The following TMEM196 variants were observed in gnomAD, a reference collection of about 807,000 sequenced individuals.
The protein encoded by TMEM196 is transmembrane protein 196.
In TMEM196, 17 loss-of-function variants were observed where a neutral mutation model predicts 20.0. That is an observed-to-expected ratio of 0.85 (90% CI 0.58 to 1.27). The LOEUF (loss-of-function observed/expected upper bound fraction) is 1.27. Among genes scored for constraint, TMEM196 ranks in the 50% most tolerant of loss-of-function variants. The probability of loss-of-function intolerance (pLI) is 0.00; values close to 1 mark genes in which losing one functional copy is unlikely to be tolerated. For synonymous variants in TMEM196, 113 were observed against 88.9 expected (o/e 1.27, Z -1.52); for missense variants, 267 against 223.0 (o/e 1.20, Z -1.26).
intron 2 of TMEM196, among the ~76,000 whole-genome samples, 180 bp downstream of exon 2, chr7:19,729,202 C>A (rs1284695645): frequency 6.7e-6 from 1 of 148,794 alleles, no homozygotes; most frequent in Non-Finnish European, 1.5e-5. Flanking sequence ...GTCATAGTTT[C>A]TAATAATTTT....
At chr7:19,760,425 A>T (rs1394442860) in intron 1 of TMEM196, among the ~76,000 whole-genome samples, 1 of 123,986 alleles carries the variant, frequency 8.1e-6, no homozygotes, top group African/African-American at 3.2e-5. Context: ...CAGTGACATG[A>T]TCTTGGCTCA....
Position 19,753,355 on chromosome 7 carries a change from A to G in TMEM196, c.147+19195T>C, listed in dbSNP as rs542516381. On this transcript the variant is annotated intron_variant, in intron 1 of 4. Coordinates refer to ENST00000405844, the MANE Select transcript of TMEM196 (RefSeq NM_001363562.2). Reference sequence around the variant, plus strand: ...AGAATAAATCAAAGAGGTACAATTTATCTAAACTCATTTTCTTACCCCTTC... The same window carrying G: ...AGAATAAATCAAAGAGGTACAATTTGTCTAAACTCATTTTCTTACCCCTTC... Among the ~76,000 whole-genome samples, 10 of 152,258 alleles carry G rather than the reference A, an allele frequency of 6.6e-5. No homozygotes were observed. In the South Asian group the frequency reaches 1.5e-3, roughly 22 times the overall value.
In TMEM196 at chr7:19,720,026, C is replaced by G. The variant is rs1350910845; in HGVS notation, c.*2102G>C. On this transcript the variant is annotated 3_prime_UTR_variant, in exon 5 of 5. Transcript: ENST00000405844. ...CTGAAAATTAGAGTCAGTGTTTATT[C>G]TTTCAGTACAAAACTACATCCTTGC... The G allele has an allele frequency of 6.6e-6, 1 of 152,022 alleles. No homozygotes were observed. Among genetic ancestry groups the G allele is most frequent in the African/African-American group, 2.4e-5 (1 of 41,430 alleles). The allele number at this position is 152,022 out of a possible 1,614,324, so 9.4% of individuals were successfully genotyped here.
At chr7:19,741,965 C>T (rs751044533) in intron 1 of TMEM196, among the ~76,000 whole-genome samples, 2 of 152,118 alleles carry the variant, frequency 1.3e-5, no homozygotes, top group Non-Finnish European at 2.9e-5. Flanking sequence ...GATGCTATTA[C>T]CTGCTATTGA....
In TMEM196 at chr7:19,725,606, A is replaced by T; in HGVS notation, c.367T>A (p.Trp123Arg). ...IGIGGCTLSS[W>R]LTCRLASYEQ... is the part of the protein sequence containing the mutation. ...TAACTGGCTAGTCGACAAGTGAGCC[A>T]GGAAGAGAGAGTGCAGCCCCCGATC... Residue 123 changes from tryptophan (W) to arginine (R), a missense_variant, in exon 3 of 5, where the codon TGG (tryptophan) becomes AGG (arginine). Physicochemically the swap from Trp to Arg is moderately radical, Grantham distance 101 (BLOSUM62 -3). Coordinates refer to ENST00000405844, the MANE Select transcript of TMEM196 (RefSeq NM_001363562.2). 6.2e-7 allele frequency: 1 copy of T among 1,614,130 alleles called. No individual in the cohort carries two copies. The highest frequency in any genetic ancestry group is 8.5e-7 in the Non-Finnish European group (1 of 1,180,008).
chr7:19,728,051 T>TA (rs1481109543), intron 2 of TMEM196, among the ~76,000 whole-genome samples: 2 of 152,090 alleles, frequency 1.3e-5, no homozygotes, highest in East Asian at 1.9e-4. Flanking sequence ...GGTAGTTTCT[T>TA]AAAAAAATCA....
intron 2 of TMEM196, among the ~76,000 whole-genome samples, chr7:19,727,290 G>T (rs1057183721): frequency 2.0e-4 from 31 of 152,124 alleles, no homozygotes; most frequent in African/African-American, 7.2e-4. Context: ...TACATGTGTT[G>T]CCCTAGGAGT....
At position 19,725,702 on chromosome 7, in the gene TMEM196, G is replaced by C. The variant is rs769909113; in HGVS notation, c.271C>G (p.Arg91Gly). 8 of 1,613,288 alleles carry C rather than the reference G, an allele frequency of 5.0e-6. No individual in the cohort carries two copies. Among genetic ancestry groups the C allele is most frequent in the Non-Finnish European group, 6.8e-6 (8 of 1,179,424 alleles). ...IGGILNFQFL[R>G]AVTKKTSSLY... ...GAGGAAGTTTTCTTTGTGACTGCCC[G>C]GAGGAACTGAAAATTCAGGATGCCC... Residue 91 changes from arginine to glycine, a missense_variant, in exon 3 of 5, where the codon CGG becomes GGG. By Grantham distance (125) the Arg-to-Gly change is moderately radical (BLOSUM62 -2). Transcript: ENST00000405844.
At chr7:19,744,325 G>A (rs1374957904) in intron 1 of TMEM196, among the ~76,000 whole-genome samples, 1 of 152,058 alleles carries the variant, frequency 6.6e-6, no homozygotes, top group Admixed American at 6.6e-5. Flanking sequence ...ACACTTGTAT[G>A]TCTTTGTAGT....
intron 1 of TMEM196, among the ~76,000 whole-genome samples, chr7:19,747,083 G>A (rs1009722483): frequency 2.0e-5 from 3 of 151,334 alleles, no homozygotes; most frequent in Non-Finnish European, 4.4e-5. Context: ...GTGAAACCCC[G>A]TCTCTACTAA....
intron 1 of TMEM196, among the ~76,000 whole-genome samples, chr7:19,755,327 A>C (rs1045358809): frequency 6.6e-6 from 1 of 152,130 alleles, no homozygotes; most frequent in Non-Finnish European, 1.5e-5. Context: ...TATATATTAA[A>C]CCTTTATCAC....
chr7:19,737,862 A>C (rs1784462344), intron 1 of TMEM196, among the ~76,000 whole-genome samples: 1 of 152,164 alleles, frequency 6.6e-6, no homozygotes, highest in Non-Finnish European at 1.5e-5. Context: ...TTTTGTCAAA[A>C]CACATAGAAC....
chr7:19,735,838 T>TTAA (rs1784380734), intron 1 of TMEM196, among the ~76,000 whole-genome samples: 1 of 152,156 alleles, frequency 6.6e-6, no homozygotes, highest in African/African-American at 2.4e-5. Context: ...ATTCTCTAGT[T>TTAA]ATTAGAGGAG....
At chr7:19,746,265 G>A (rs4721823) in intron 1 of TMEM196, among the ~76,000 whole-genome samples, 2 of 151,986 alleles carry the variant, frequency 1.3e-5, no homozygotes, top group Non-Finnish European at 2.9e-5. Context: ...AATGAGGTCC[G>A]TTAAACGGGA....
Position 19,772,793 on chromosome 7 carries a change from G to C in TMEM196, c.-97C>G. The C allele has an allele frequency of 8.3e-7, 1 of 1,200,060 alleles. No individual in the cohort carries two copies. Among genetic ancestry groups the C allele is most frequent in the Non-Finnish European group, 1.1e-6 (1 of 932,768 alleles). The allele number at this position is 1,200,060 out of a possible 1,614,324, so 74.3% of individuals were successfully genotyped here. A position where few individuals can be genotyped will look rare whatever the true frequency, so the allele number is the denominator to read the frequency against. ...TCCTTACCCCTTCCACCCCCTACCA[G>C]ATCCCAAAACTTTTCTTTCTTCAAG... On this transcript the variant is annotated 5_prime_UTR_variant, in exon 1 of 5. It adds an upstream start codon to the 5' untranslated region. Transcript: ENST00000405844.
chr7:19,723,829 A>G (rs931725913), intron 4 of TMEM196, among the ~76,000 whole-genome samples: 1 of 152,222 alleles, frequency 6.6e-6, no homozygotes, highest in Non-Finnish European at 1.5e-5. Context: ...TTTTACAAGA[A>G]GAATCTTTTC....
At chr7:19,752,663 G>A (rs1175877545) in intron 1 of TMEM196, among the ~76,000 whole-genome samples, 3 of 151,698 alleles carry the variant, frequency 2.0e-5, no homozygotes, top group African/African-American at 4.9e-5. Context: ...CACCCAGGCT[G>A]GAGTGCAGTG....
At chr7:19,747,173 T>C (rs1784784792) in intron 1 of TMEM196, among the ~76,000 whole-genome samples, 1 of 150,322 alleles carries the variant, frequency 6.7e-6, no homozygotes, top group Non-Finnish European at 1.5e-5. Context: ...GAGAATGGCG[T>C]GAACCCGGGA....
At chr7:19,763,575 A>T in intron 1 of TMEM196, among the ~76,000 whole-genome samples, 1 of 152,210 alleles carries the variant, frequency 6.6e-6, no homozygotes, top group East Asian at 1.9e-4. Context: ...TAGAGTAAAC[A>T]GTTTCTAAGA....
Sources: allele counts gnomAD v4.1 joint callset (sites outside exome capture counted in the v4.1 genomes callset), GRCh38; gene constraint gnomAD v4.1.1; transcripts MANE v1.5; gene names NCBI Gene and HGNC (gene_info 2026-07-23, HGNC 2026-07-21).